Variants in GNG12 observed in about 807,000 individuals in gnomAD.
GNG12 encodes guanine nucleotide-binding protein G(I)/G(S)/G(O) subunit gamma-12.
For synonymous variants in GNG12, 28 were observed against 29.7 expected (o/e 0.94, Z 0.19); for missense variants, 69 against 83.8 (o/e 0.82, Z 0.69).
At chr1:67,724,863 TTA>T (rs1570488077) in intron 2 of GNG12, among the ~76,000 whole-genome samples, 3 of 152,306 alleles carry the variant, frequency 2.0e-5, no homozygotes, top group East Asian at 3.9e-4. Flanking sequence ...CATTCTACTT[TTA>T]TATATGTTTG....
At chr1:67,806,963 C>CCAA (rs764969274) in intron 1 of GNG12, among the ~76,000 whole-genome samples, 2 of 151,976 alleles carry the variant, frequency 1.3e-5, no homozygotes, top group Non-Finnish European at 2.9e-5. Context: ...ACTACTTCAT[C>CCAA]CAACAACAAC....
chr1:67,822,153 G>A (rs193179527), intron 1 of GNG12, among the ~76,000 whole-genome samples: 49 of 152,164 alleles, frequency 3.2e-4, no homozygotes, highest in Non-Finnish European at 6.0e-4. Context: ...GTCCTGGGCC[G>A]CATGCGCCCT....
At chr1:67,741,143 T>C (rs747351213) in intron 2 of GNG12, among the ~76,000 whole-genome samples, 3 of 152,226 alleles carry the variant, frequency 2.0e-5, no homozygotes, top group Non-Finnish European at 2.9e-5. Context: ...AAATACAGAC[T>C]GGGGACACGT....
intron 2 of GNG12, among the ~76,000 whole-genome samples, chr1:67,747,693 A>G (rs1646515224): frequency 6.6e-6 from 1 of 152,250 alleles, no homozygotes; most frequent in Admixed American, 6.5e-5. Context: ...AAGTACCTAA[A>G]AAGTCTGATT....
chr1:67,731,911 T>A (rs976760715), intron 2 of GNG12, among the ~76,000 whole-genome samples: 2 of 152,210 alleles, frequency 1.3e-5, no homozygotes, highest in Non-Finnish European at 2.9e-5. Flanking sequence ...CTTGGCCTAA[T>A]GGAAGACAAA....
At chr1:67,768,964 T>G (rs955930595) in intron 2 of GNG12, among the ~76,000 whole-genome samples, 1 of 152,154 alleles carries the variant, frequency 6.6e-6, no homozygotes, top group Non-Finnish European at 1.5e-5. Flanking sequence ...GTCTCTAATA[T>G]CACCTCATAT....
chr1:67,749,455 T>A (rs1389897981), intron 2 of GNG12, among the ~76,000 whole-genome samples: 1 of 152,230 alleles, frequency 6.6e-6, no homozygotes, highest in Non-Finnish European at 1.5e-5. Flanking sequence ...CTGCTACTGA[T>A]GATGATGTAA....
intron 1 of GNG12, among the ~76,000 whole-genome samples, chr1:67,789,002 A>G (rs143320118): frequency 1.3e-5 from 2 of 152,362 alleles, no homozygotes; most frequent in Non-Finnish European, 2.9e-5. Flanking sequence ...CTTTTGCTAC[A>G]GTGCTGTTGA....
At chr1:67,764,111 T>C (rs572526026) in intron 2 of GNG12, among the ~76,000 whole-genome samples, 1 of 152,190 alleles carries the variant, frequency 6.6e-6, no homozygotes, top group African/African-American at 2.4e-5. Context: ...TCTGGGCCAG[T>C]AGTTTAGGTG....
chr1:67,786,935 ATGTGTGTGTGTGTGTGTGTGTG>A lies in GNG12; in HGVS notation c.-76-9450_-76-9429del, dbSNP rs60096043. ...CTAGGTAACAGAGACTTATATATAT[ATGTGTGTGTGTGTGTGTGTGTG>A]TGTGTGTGTGTGTGTGTGTGTGTGT... On this transcript the variant is annotated intron_variant, in intron 1 of 3. Transcript: ENST00000370982. 1.5e-4 allele frequency among the ~76,000 whole-genome samples: 20 copies of A among 133,472 alleles called. No homozygotes were observed. The South Asian group carries it at 1.5e-3, about 10-fold the overall frequency. 87.6% of individuals were successfully genotyped at this position (133,472 alleles called of 152,430 possible).
At chr1:67,804,720 A>T (rs2100801353) in intron 1 of GNG12, among the ~76,000 whole-genome samples, 1 of 152,144 alleles carries the variant, frequency 6.6e-6, no homozygotes, top group African/African-American at 2.4e-5. Context: ...TTCAAGCAGA[A>T]GCCTGCGTAG....
At chr1:67,814,038 G>T (rs1054736337) in intron 1 of GNG12, among the ~76,000 whole-genome samples, 1 of 152,144 alleles carries the variant, frequency 6.6e-6, no homozygotes, top group Admixed American at 6.5e-5. Flanking sequence ...AAGTGTCAGA[G>T]CTGGGATTTA....
chr1:67,754,353 G>C (rs1646555822), intron 2 of GNG12, among the ~76,000 whole-genome samples: 1 of 152,110 alleles, frequency 6.6e-6, no homozygotes, highest in Admixed American at 6.5e-5. Flanking sequence ...CTCAGGGAGT[G>C]GCACTGTCAT....
rs371957677 is a variant in GNG12 at position 67,705,139 on chromosome 1, A to C, written c.*312T>G. 8.4e-5 allele frequency: 16 copies of C among 191,242 alleles called. No individual in the cohort carries two copies. In the East Asian group the frequency reaches 1.8e-3, roughly 21 times the overall value. 11.8% of individuals were successfully genotyped at this position (191,242 alleles called of 1,614,324 possible). A position where few individuals can be genotyped will look rare whatever the true frequency, so the allele number is the denominator to read the frequency against. Reference sequence around the variant, plus strand: ...GGCCATTTAGGTCCTGACATATCGGAATCCCTTGTATTTCTAAAGTATATA... The same window carrying C: ...GGCCATTTAGGTCCTGACATATCGGCATCCCTTGTATTTCTAAAGTATATA... On this transcript the variant is annotated 3_prime_UTR_variant, in exon 4 of 4. Coordinates refer to ENST00000370982, the MANE Select transcript of GNG12 (RefSeq NM_018841.6).
At position 67,703,618 on chromosome 1, in the gene GNG12, C is replaced by G. The variant is rs1339392537; in HGVS notation, c.*1833G>C. The G allele has an allele frequency of 6.6e-6, 1 of 152,122 alleles. No individual in the cohort carries two copies. The highest frequency in any genetic ancestry group is 2.4e-5 in the African/African-American group (1 of 41,400). 9.4% of individuals were successfully genotyped at this position (152,122 alleles called of 1,614,324 possible). ...AATCTTCCTCTCTCCTAAACAGGTA[C>G]CTATAATTGATTTGGGAACTGGGCA... On this transcript the variant is annotated 3_prime_UTR_variant, in exon 4 of 4. Coordinates refer to ENST00000370982, the MANE Select transcript of GNG12 (RefSeq NM_018841.6).
At chr1:67,706,823 C>G (rs787255) in intron 3 of GNG12, among the ~76,000 whole-genome samples, 14,879 of 151,936 alleles carry the variant, frequency 0.098, 772 homozygotes, top group African/African-American at 0.12. Context: ...CCGTGCCTGG[C>G]TAATTTTGTA....
At chr1:67,708,976 C>T (rs904901320) in intron 2 of GNG12, among the ~76,000 whole-genome samples, 3 of 152,182 alleles carry the variant, frequency 2.0e-5, no homozygotes, top group Non-Finnish European at 2.9e-5. Context: ...GCATCCATCA[C>T]GTGGGCACCA....
chr1:67,727,025 C>T (rs1209458329), intron 2 of GNG12, among the ~76,000 whole-genome samples: 1 of 152,210 alleles, frequency 6.6e-6, no homozygotes, highest in African/African-American at 2.4e-5. Flanking sequence ...CAAGTGCCTC[C>T]ATTGCTTAAA....
intron 2 of GNG12, among the ~76,000 whole-genome samples, chr1:67,725,828 T>C (rs553410184): frequency 6.6e-6 from 1 of 152,240 alleles, no homozygotes; most frequent in Non-Finnish European, 1.5e-5. Context: ...TGACATAAAA[T>C]TTCTCAGAAA....
Sources: allele counts gnomAD v4.1 joint callset (sites outside exome capture counted in the v4.1 genomes callset), GRCh38; gene constraint gnomAD v4.1.1; transcripts MANE v1.5; gene names NCBI Gene and HGNC (gene_info 2026-07-23, HGNC 2026-07-21).